Variants in SGSM2 observed in about 807,000 individuals in gnomAD.
SGSM2 encodes small G protein signaling modulator 2.
SGSM2 carries 89 observed loss-of-function variants against 126.6 expected under a neutral mutation model. The ratio of observed to expected loss-of-function variants is 0.70; its 90% confidence interval spans 0.59 to 0.84. SGSM2 has a LOEUF of 0.84. SGSM2 is among the 40% of genes least tolerant of loss of function. SGSM2 has a pLI of 0.00. For missense variants in SGSM2, 1,404 were observed against 1,416.6 expected (o/e 0.99, Z 0.14); for synonymous variants, 614 against 574.3 (o/e 1.07, Z -0.99).
rs202053725 is a variant in SGSM2 at position 2,376,236 on chromosome 17, G to C, written c.2584G>C (p.Glu862Gln). 1.2e-6 allele frequency: 2 copies of C among 1,613,870 alleles called. No individual in the cohort carries two copies. The highest frequency in any genetic ancestry group is 1.7e-5 in the Admixed American group (1 of 60,014). ...NYWYFTPPNL[E>Q]RLRDVMCSYV... is the part of the protein sequence containing the mutation. ...CTGGTACTTCACGCCCCCCAACCTC[G>C]AGAGGCTCAGAGACGTCATGTGCAG... is the stretch of plus-strand genomic sequence containing the variant. Residue 862 changes from glutamate to glutamine, a missense_variant, in exon 19 of 24, where the codon GAG becomes CAG. Coordinates refer to ENST00000268989, the MANE Select transcript of SGSM2 (RefSeq NM_014853.3).
At chr17:2,357,681 A>G (rs2065137781) in intron 2 of SGSM2, among the ~76,000 whole-genome samples, 1 of 152,104 alleles carries the variant, frequency 6.6e-6, no homozygotes, top group South Asian at 2.1e-4. Context: ...TATTTTTAGC[A>G]GAGACGGAGT....
chr17:2,352,338 C>G (rs1228111469), intron 2 of SGSM2, among the ~76,000 whole-genome samples: 1 of 152,208 alleles, frequency 6.6e-6, no homozygotes, highest in Non-Finnish European at 1.5e-5. Context: ...GAATGGACTA[C>G]CTGAGGCTGG....
At position 2,375,735 on chromosome 17, in the gene SGSM2, G is replaced by A. The variant is rs767605083; in HGVS notation, c.2344G>A (p.Gly782Ser). 8.7e-6 allele frequency: 14 copies of A among 1,608,374 alleles called. No homozygotes were observed. The highest frequency in any genetic ancestry group is 1.8e-4 in the Middle Eastern group (1 of 5,586). The change falls in exon 18 of 24, where the codon GGT becomes AGT. Residue 782 changes from glycine (G) to serine (S), a missense_variant. By Grantham distance (56) the Gly-to-Ser change is moderately conservative. Coordinates refer to ENST00000268989, the MANE Select transcript of SGSM2 (RefSeq NM_014853.3). ...QSVGFEEEDGGGEEGSSGPGP... is the reference protein window; with the variant it reads ...QSVGFEEEDGSGEEGSSGPGP... Reference sequence around the variant, plus strand: ...CGTGGGCTTCGAAGAGGAGGACGGCGGTGGGGAGGAAGGCTCCAGTGGGCC... The same window carrying A: ...CGTGGGCTTCGAAGAGGAGGACGGCAGTGGGGAGGAAGGCTCCAGTGGGCC...
chr17:2,345,210 C>T (rs568305350), intron 2 of SGSM2, among the ~76,000 whole-genome samples: 3 of 152,136 alleles, frequency 2.0e-5, no homozygotes, highest in Non-Finnish European at 4.4e-5. Context: ...CGCCTGTAAT[C>T]CCAGCACTTT....
In SGSM2 at chr17:2,372,859, C is replaced by T. The variant is rs1395277597; in HGVS notation, c.1789-94C>T. Reference sequence around the variant, plus strand: ...CTGGGCTTCAGCAGTCACTACAGGCCCCGCCCCAGCCCATTCTCCGTGGGA... The same window carrying T: ...CTGGGCTTCAGCAGTCACTACAGGCTCCGCCCCAGCCCATTCTCCGTGGGA... On this transcript the variant is annotated intron_variant, in intron 15 of 23. Coordinates refer to ENST00000268989, the MANE Select transcript of SGSM2 (RefSeq NM_014853.3). The surrounding 1 kb of genome is among the most constrained non-coding windows in gnomAD (Gnocchi z 6.0). 6.7e-7 allele frequency: 1 copy of T among 1,488,372 alleles called. No individual in the cohort carries two copies. The highest frequency in any genetic ancestry group is 9.0e-7 in the Non-Finnish European group (1 of 1,109,720). The allele number at this position is 1,488,372 out of a possible 1,614,324, so 92.2% of individuals were successfully genotyped here. A position where few individuals can be genotyped will look rare whatever the true frequency, so the allele number is the denominator to read the frequency against.
intron 22 of SGSM2, 97 bp from the exon 23 acceptor site, chr17:2,378,939 T>TCAGCCC (rs1194974289): frequency 7.8e-5 from 98 of 1,254,136 alleles, no homozygotes; most frequent in Non-Finnish European, 1.0e-4. Context: ...AGCCTCAGCC[T>TCAGCCC]CAGCCCCAGC....
Position 2,365,180 on chromosome 17 carries a change from C to G in SGSM2, c.1162-35C>G, listed in dbSNP as rs763832263. The stretch of plus-strand genomic sequence containing the variant: ...GTGGAACCCTGGATGAGACTCTGCC[C>G]TATACAGCCCGACCACCTACCCCTC... On this transcript the variant is annotated intron_variant, in intron 10 of 23. Coordinates refer to ENST00000268989, the MANE Select transcript of SGSM2 (RefSeq NM_014853.3). 2.5e-6 allele frequency: 4 copies of G among 1,598,480 alleles called. No homozygotes were observed. In the African/African-American group the frequency reaches 5.4e-5, roughly 21 times the overall value.
chr17:2,341,811 C>G (rs1181782894), intron 1 of SGSM2, among the ~76,000 whole-genome samples: 1 of 152,150 alleles, frequency 6.6e-6, no homozygotes, highest in African/African-American at 2.4e-5. Context: ...TTGGCAATAT[C>G]TAATAAAGTG....
At position 2,365,348 on chromosome 17, in the gene SGSM2, G is replaced by A. The variant is rs2065515379; in HGVS notation, c.1288+7G>A. The A allele has an allele frequency of 2.0e-6, 3 of 1,537,362 alleles. No individual in the cohort carries two copies. Among genetic ancestry groups the A allele is most frequent in the African/African-American group, 2.7e-5 (2 of 72,842 alleles). On this transcript the variant is annotated splice_region_variant and intron_variant, in intron 11 of 23. Transcript: ENST00000268989. ...GGCCACAGGCACGAGCACAGTGAGT[G>A]TCCCGAGCTTCATCCCGGGGGAGGA...
chr17:2,373,024 C>G lies in SGSM2; in HGVS notation c.1860C>G (p.Val620=). The change falls in exon 16 of 24, where the codon GTC becomes GTG. Residue 620 remains valine, a synonymous_variant. Transcript: ENST00000268989. Reference sequence around the variant, plus strand: ...TAGAGCACGAGATCCGCAAGGACGTCTGGCCCTTTCTGCTTGGCCACTACA... The same window carrying G: ...TAGAGCACGAGATCCGCAAGGACGTGTGGCCCTTTCTGCTTGGCCACTACA... ...GGIEHEIRKD[V]WPFLLGHYKF... 6.2e-7 allele frequency: 1 copy of G among 1,605,270 alleles called. No homozygotes were observed. Among genetic ancestry groups the G allele is most frequent in the Non-Finnish European group, 8.5e-7 (1 of 1,176,150 alleles).
In SGSM2 at chr17:2,380,499, C is replaced by T; in HGVS notation, c.*979C>T. The T allele has an allele frequency of 1.6e-6, 1 of 624,552 alleles. No individual in the cohort carries two copies. The highest frequency in any genetic ancestry group is 1.8e-5 in the African/African-American group (1 of 54,906). 38.7% of individuals were successfully genotyped at this position (624,552 alleles called of 1,614,324 possible). Reference sequence around the variant, plus strand: ...GGGATGCATGGGTGTCCCCATCTGTCCCTGGTGAGAAGCAAGGCTAGCTCT... The same window carrying T: ...GGGATGCATGGGTGTCCCCATCTGTTCCTGGTGAGAAGCAAGGCTAGCTCT... On this transcript the variant is annotated 3_prime_UTR_variant, in exon 24 of 24. Coordinates refer to ENST00000268989, the MANE Select transcript of SGSM2 (RefSeq NM_014853.3).
chr17:2,362,120 G>A lies in SGSM2; in HGVS notation c.308G>A (p.Gly103Glu). ...QQQAEGRKPSGVSQEALRRQG... is the reference protein window; with the variant it reads ...QQQAEGRKPSEVSQEALRRQG... Reference sequence around the variant, plus strand: ...CCCCGCCTTTGCAGGAAACCCTCAGGGGTCAGCCAGGAGGCCCTGCGGAGA... The same window carrying A: ...CCCCGCCTTTGCAGGAAACCCTCAGAGGTCAGCCAGGAGGCCCTGCGGAGA... The change falls in exon 4 of 24, where the codon GGG becomes GAG. Residue 103 changes from glycine to glutamate, a missense_variant. Coordinates refer to ENST00000268989, the MANE Select transcript of SGSM2 (RefSeq NM_014853.3). The surrounding 1 kb of genome is among the most constrained non-coding windows in gnomAD (Gnocchi z 4.9). 1.2e-6 allele frequency: 2 copies of A among 1,612,334 alleles called. No individual in the cohort carries two copies. Among genetic ancestry groups the A allele is most frequent in the Non-Finnish European group, 1.7e-6 (2 of 1,179,544 alleles).
intron 13 of SGSM2, chr17:2,371,839 C>A (rs966814969): frequency 1.3e-5 from 5 of 390,882 alleles, no homozygotes; most frequent in African/African-American, 1.0e-4. Context: ...GAGTGAATGG[C>A]TTTTATGGGA....
chr17:2,337,784 G>T lies in SGSM2; in HGVS notation c.57+39G>T. The T allele has an allele frequency of 1.4e-6, 2 of 1,461,382 alleles. No individual in the cohort carries two copies. The highest frequency in any genetic ancestry group is 9.2e-7 in the Non-Finnish European group (1 of 1,092,538). 90.5% of individuals were successfully genotyped at this position (1,461,382 alleles called of 1,614,324 possible). On this transcript the variant is annotated intron_variant, in intron 1 of 23. Coordinates refer to ENST00000268989, the MANE Select transcript of SGSM2 (RefSeq NM_014853.3). This position sits in a 1 kb window ranked among gnomAD's most constrained non-coding sequence, Gnocchi z 5.1. ...AAGAACCCCGGGGGGCTCGCGCCCT[G>T]GCCCGCGCGGCCCAGGGGGCAGAAA... is the stretch of plus-strand genomic sequence containing the variant.
rs554436746 is a variant in SGSM2 at position 2,358,524 on chromosome 17, CAT to C, written c.134-3111_134-3110del. ...AGGCATTGGAGACCAGCCTAGGCAA[CAT>C]AGTGAGACCTCAGTCTCTACAAAAA... On this transcript the variant is annotated intron_variant, in intron 2 of 23. Transcript: ENST00000268989. 9.7e-4 allele frequency among the ~76,000 whole-genome samples: 148 copies of C among 152,186 alleles called. 4 individuals carry two copies. The South Asian group carries it at 0.03, about 31-fold the overall frequency.
At chr17:2,371,239 C>G in intron 12 of SGSM2, 23 bp from the exon 13 acceptor site, 1 of 1,604,340 alleles carries the variant, frequency 6.2e-7, no homozygotes, top group Non-Finnish European at 8.5e-7. Context: ...AGGCCCTGAC[C>G]ATGCCACCCT....
intron 2 of SGSM2, among the ~76,000 whole-genome samples, chr17:2,358,858 T>G (rs914382832): frequency 6.0e-5 from 8 of 134,052 alleles, no homozygotes; most frequent in Admixed American, 2.2e-4. Context: ...GGGGCTCTTT[T>G]TTGTTGTTGT....
chr17:2,348,728 G>A (rs2064713698), intron 2 of SGSM2, among the ~76,000 whole-genome samples: 1 of 152,084 alleles, frequency 6.6e-6, no homozygotes, highest in African/African-American at 2.4e-5. Flanking sequence ...GTATGCAGAA[G>A]GTGCTCAATC....
At chr17:2,377,712 T>G in intron 21 of SGSM2, 145 bp from the exon 22 acceptor site, 4 of 563,986 alleles carry the variant, frequency 7.1e-6, no homozygotes, top group African/African-American at 1.9e-5. Flanking sequence ...GGGGAGAGAG[T>G]GCACCGCGCA....
Sources: allele counts gnomAD v4.1 joint callset (sites outside exome capture counted in the v4.1 genomes callset), GRCh38; gene constraint gnomAD v4.1.1; non-coding constraint Gnocchi (gnomAD v3.1); transcripts MANE v1.5; gene names NCBI Gene and HGNC (gene_info 2026-07-23, HGNC 2026-07-21).